RAP1GAP: variants seen among roughly 807,000 people sequenced by gnomAD.
RAP1GAP encodes RAP1 GTPase activating protein, also known as rap1 GTPase-activating protein 1.
A neutral mutation model predicts 87.2 loss-of-function variants in RAP1GAP; 35 were observed. The observed-to-expected ratio is 0.40, with a 90% CI of 0.31 to 0.53. The LOEUF (loss-of-function observed/expected upper bound fraction) is 0.53, where lower values mean the gene tolerates loss of function less well. Ranked by LOEUF, RAP1GAP falls within the 20% of genes least tolerant of loss-of-function variation. The probability of loss-of-function intolerance (pLI) is 0.48; values close to 1 mark genes in which losing one functional copy is unlikely to be tolerated. For missense variants in RAP1GAP, 734 were observed against 898.9 expected, an observed-to-expected ratio of 0.82 and a Z score of 2.35; for synonymous variants, 375 against 363.9, an observed-to-expected ratio of 1.03 and a Z score of -0.35.
chr1:21,597,511 C>T (rs952505205), intron 24 of RAP1GAP, among the ~76,000 whole-genome samples, 175 bp downstream of exon 24: 6 of 152,220 alleles, frequency 3.9e-5, no homozygotes, highest in Admixed American at 6.5e-5. Flanking sequence ...GCAGAGGTCA[C>T]GGGGAAGGGC....
chr1:21,599,074 A>C (rs1413811694), intron 21 of RAP1GAP, among the ~76,000 whole-genome samples: 2 of 152,210 alleles, frequency 1.3e-5, no homozygotes. Context: ...GGTGTGTGAG[A>C]CTCAGTCAAA....
At chr1:21,608,741 C>T in intron 16 of RAP1GAP, 109 bp downstream of exon 16, 1 of 1,129,522 alleles carries the variant, frequency 8.9e-7, no homozygotes, top group Non-Finnish European at 1.3e-6. Context: ...CCAGGTGTCC[C>T]CGCTAAGGCC....
intron 16 of RAP1GAP, 99 bp from the exon 17 acceptor site, chr1:21,608,449 T>C: frequency 6.8e-7 from 1 of 1,473,370 alleles, no homozygotes; most frequent in Non-Finnish European, 9.1e-7. Context: ...GGCCACCTTC[T>C]CTGAATGAGT....
In RAP1GAP at chr1:21,619,649, C is replaced by G. The variant is rs3767116; in HGVS notation, c.18+366G>C. Among the ~76,000 whole-genome samples, 78 of 152,206 alleles carry G rather than the reference C, an allele frequency of 5.1e-4. No individual in the cohort carries two copies. In the East Asian group the frequency reaches 8.7e-3, roughly 17 times the overall value. ...GCACAGTCTCTGGCTGACAGGCCCC[C>G]AGCATCTGTCCCCTCCTCCAGTTCC... On this transcript the variant is annotated intron_variant, in intron 4 of 24. Transcript: ENST00000374765.
chr1:21,620,108 C>T, intron 3 of RAP1GAP, 58 bp from the exon 4 acceptor site: 1 of 1,599,130 alleles, frequency 6.3e-7, no homozygotes, highest in Non-Finnish European at 8.6e-7. Context: ...CCAGAGGAGT[C>T]TCCACCCGCC....
chr1:21,665,165 C>A, intron 1 of RAP1GAP: 1 of 451,994 alleles, frequency 2.2e-6, no homozygotes, highest in Non-Finnish European at 4.5e-6. Context: ...CTATGATTCC[C>A]ACTTCCTAGA....
At chr1:21,604,319 G>A (rs558218358) in intron 18 of RAP1GAP, among the ~76,000 whole-genome samples, 13 of 146,152 alleles carry the variant, frequency 8.9e-5, no homozygotes, top group South Asian at 8.9e-4. Flanking sequence ...TGAGAAGAGC[G>A]GAGAAGGGAA....
intron 2 of RAP1GAP, among the ~76,000 whole-genome samples, chr1:21,639,700 C>T (rs1366133614): frequency 3.9e-5 from 6 of 152,258 alleles, no homozygotes; most frequent in South Asian, 2.1e-4. Context: ...CACATCTGTG[C>T]GGATGTGGAG....
chr1:21,637,811 A>G (rs1039049121), intron 2 of RAP1GAP, among the ~76,000 whole-genome samples: 1 of 152,098 alleles, frequency 6.6e-6, no homozygotes, highest in Admixed American at 6.6e-5. Flanking sequence ...CAAAAATCTC[A>G]TTTGTAAAAA....
At position 21,603,234 on chromosome 1, in the gene RAP1GAP, C is replaced by T. The variant is rs976999469; in HGVS notation, c.1429-321G>A. 9.9e-6 allele frequency: 4 copies of T among 404,072 alleles called. No homozygotes were observed. The highest frequency in any genetic ancestry group is 4.1e-5 in the Admixed American group (1 of 24,514). The allele number at this position is 404,072 out of a possible 1,614,324, so 25.0% of individuals were successfully genotyped here. The stretch of plus-strand genomic sequence containing the variant: ...GGCTACCGCTCCCCGCCCCCCAGGG[C>T]TCTGTGGGATCTGCAGCCTAAGGGC... On this transcript the variant is annotated intron_variant, in intron 18 of 24. Coordinates refer to ENST00000374765, the MANE Select transcript of RAP1GAP (RefSeq NM_002885.4). The surrounding 1 kb of genome is among the most constrained non-coding windows in gnomAD (Gnocchi z 6.0).
chr1:21,651,954 C>G (rs1188134757), intron 1 of RAP1GAP: 14 of 775,982 alleles, frequency 1.8e-5, no homozygotes, highest in Non-Finnish European at 2.0e-5. Context: ...CCCAGCGGGC[C>G]GCGGTCCAGC....
At chr1:21,662,349 CG>C (rs1553505686) in intron 1 of RAP1GAP, among the ~76,000 whole-genome samples, 1 of 152,098 alleles carries the variant, frequency 6.6e-6, no homozygotes, top group Non-Finnish European at 1.5e-5. Flanking sequence ...ATCTGTAAAA[CG>C]AGGGGGTTGG....
intron 2 of RAP1GAP, among the ~76,000 whole-genome samples, chr1:21,629,592 G>T (rs1334303590): frequency 6.6e-6 from 1 of 152,226 alleles, no homozygotes; most frequent in Non-Finnish European, 1.5e-5. Flanking sequence ...AGGGGCAGGG[G>T]AAGGGAGGGG....
At chr1:21,612,144 G>A in intron 10 of RAP1GAP, 35 bp from the exon 11 acceptor site, 2 of 1,482,308 alleles carry the variant, frequency 1.3e-6, no homozygotes, top group Non-Finnish European at 1.8e-6. Context: ...GAGGCTGCGT[G>A]TGCAAGCTGC....
intron 2 of RAP1GAP, among the ~76,000 whole-genome samples, chr1:21,639,670 G>A (rs1463190514): frequency 6.6e-6 from 1 of 152,174 alleles, no homozygotes; most frequent in Admixed American, 6.5e-5. Flanking sequence ...ACTCCTGTGG[G>A]GGCAGGCGGG....
Position 21,617,933 on chromosome 1 carries a change from C to T in RAP1GAP, c.105+1G>A. ...GTGGGCGCGGGGTTCTAGCTGAGTA[C>T]CTCGTGCACGCTCGGGTATGGAATG... On this transcript the variant is annotated splice_donor_variant, in intron 6 of 24. Coordinates refer to ENST00000374765, the MANE Select transcript of RAP1GAP (RefSeq NM_002885.4). LOFTEE classifies it high-confidence loss of function. 6.2e-7 allele frequency: 1 copy of T among 1,614,148 alleles called. No individual in the cohort carries two copies. The highest frequency in any genetic ancestry group is 8.5e-7 in the Non-Finnish European group (1 of 1,180,012).
chr1:21,617,188 G>T, intron 7 of RAP1GAP, 118 bp downstream of exon 7: 4 of 1,186,866 alleles, frequency 3.4e-6, no homozygotes, highest in Non-Finnish European at 4.7e-6. Flanking sequence ...TTCACTCAGG[G>T]CTCTAGGACT....
intron 2 of RAP1GAP, among the ~76,000 whole-genome samples, chr1:21,641,010 C>T (rs551444893): frequency 2.4e-4 from 37 of 151,388 alleles, no homozygotes; most frequent in African/African-American, 8.3e-4. Context: ...TGGGTTCAAG[C>T]GATTCTCCTG....
At chr1:21,611,965 G>A in intron 11 of RAP1GAP, 61 bp downstream of exon 11, 1 of 1,485,696 alleles carries the variant, frequency 6.7e-7, no homozygotes, top group Admixed American at 1.9e-5. Context: ...CCCTGGAAAA[G>A]GTGTGAGGCT....
Sources: gnomAD v4.1 joint callset for allele counts (sites outside exome capture counted in the v4.1 genomes callset) on GRCh38, gnomAD v4.1.1 for gene constraint, Gnocchi (gnomAD v3.1) non-coding constraint, MANE v1.5 for transcripts, NCBI Gene and HGNC (gene_info 2026-07-23, HGNC 2026-07-21) for gene names.